The following DIMT1 variants were observed in gnomAD, a reference collection of about 807,000 sequenced individuals.
DIMT1 encodes the protein DIM1 rRNA methyltransferase and ribosome maturation factor.
DIMT1 carries 36 observed loss-of-function variants against 43.2 expected under a neutral mutation model. The ratio of observed to expected loss-of-function variants is 0.83; its 90% confidence interval spans 0.64 to 1.10. The LOEUF (loss-of-function observed/expected upper bound fraction) is 1.10, where lower values mean the gene tolerates loss of function less well. Ranked by LOEUF, DIMT1 falls within the 50% of genes least tolerant of loss-of-function variation. The pLI, the probability that DIMT1 is intolerant of heterozygous loss-of-function variation, is 0.00. For missense variants in DIMT1, 341 were observed against 385.3 expected, an observed-to-expected ratio of 0.88 and a Z score of 0.96; for synonymous variants, 126 against 130.3, an observed-to-expected ratio of 0.97 and a Z score of 0.22.
At chr5:62,394,669 C>T (rs1437371108) in intron 6 of DIMT1, 62 bp from the exon 7 acceptor site, 1 of 1,602,112 alleles carries the variant, frequency 6.2e-7, no homozygotes, top group Non-Finnish European at 8.5e-7. Context: ...TGAATTTTAA[C>T]TGCAATGAAT....
chr5:62,389,232 T>A (rs1742178544), intron 11 of DIMT1, among the ~76,000 whole-genome samples, 180 bp from the exon 12 acceptor site: 1 of 152,152 alleles, frequency 6.6e-6, no homozygotes, highest in Non-Finnish European at 1.5e-5. Context: ...ATGCCTGTAA[T>A]CCCAGCACTT....
intron 2 of DIMT1, 143 bp from the exon 3 acceptor site, chr5:62,402,265 G>T: frequency 1.3e-6 from 1 of 791,458 alleles, no homozygotes; most frequent in Non-Finnish European, 2.0e-6. Flanking sequence ...TGATCTACGT[G>T]GTTAACAAAA....
At chr5:62,401,981 A>G (rs26648) in intron 3 of DIMT1, 55 bp downstream of exon 3, 58,497 of 1,535,586 alleles carry the variant, frequency 0.038, 1,296 homozygotes, top group Non-Finnish European at 0.044. Context: ...TTGTAAACCA[A>G]CTGAGCTTGC....
intron 11 of DIMT1, among the ~76,000 whole-genome samples, chr5:62,390,050 GTCTTAGTTATA>G (rs1359002165): frequency 7.2e-5 from 11 of 152,260 alleles, no homozygotes; most frequent in African/African-American, 2.6e-4. Flanking sequence ...AACTCCATTT[GTCTTAGTTATA>G]TAGAACTGTG....
rs189747658 is a variant in DIMT1 at position 62,390,357 on chromosome 5, T to A, written c.899+519A>T. On this transcript the variant is annotated intron_variant, in intron 11 of 11. Transcript: ENST00000199320. ...TTATGACAGCTTTTTACTTGAGAAG[T>A]GTAGAACTTGCTTCAGGCTACAAAA... Among the ~76,000 whole-genome samples, 448 of 152,362 alleles carry A rather than the reference T, an allele frequency of 2.9e-3. 1 individual carries two copies. The highest frequency in any genetic ancestry group is 5.1e-3 in the Non-Finnish European group (349 of 68,038).
At chr5:62,403,600 G>T in intron 1 of DIMT1, 94 bp downstream of exon 1, 3 of 1,432,782 alleles carry the variant, frequency 2.1e-6, no homozygotes, top group Non-Finnish European at 2.9e-6. Flanking sequence ...GTCCTGACCG[G>T]CCTCTGCCGA....
intron 2 of DIMT1, among the ~76,000 whole-genome samples, chr5:62,402,647 C>A (rs1159368001): frequency 6.6e-6 from 1 of 152,136 alleles, no homozygotes; most frequent in African/African-American, 2.4e-5. Flanking sequence ...TAGTACATGA[C>A]CCTTCTTTCT....
chr5:62,388,725 T>C lies in DIMT1; in HGVS notation c.*285A>G, dbSNP rs1742153541. On this transcript the variant is annotated 3_prime_UTR_variant, in exon 12 of 12. Transcript: ENST00000199320. ...ATAGAAGAGTAACATCTTTATACAA[T>C]AAACTGTTAGAAATGATAAGTGTAA... The C allele has an allele frequency of 2.5e-6, 1 of 399,186 alleles. No homozygotes were observed. 24.7% of individuals were successfully genotyped at this position (399,186 alleles called of 1,614,324 possible). A position where few individuals can be genotyped will look rare whatever the true frequency, so the allele number is the denominator to read the frequency against.
At chr5:62,403,645 C>T (rs376966626) in intron 1 of DIMT1, 49 bp downstream of exon 1, 1 of 1,565,484 alleles carries the variant, frequency 6.4e-7, no homozygotes, top group East Asian at 2.4e-5. Context: ...CTAGGTCCTG[C>T]CGGAAGACCT....
intron 6 of DIMT1, among the ~76,000 whole-genome samples, chr5:62,396,510 A>C (rs561992675): frequency 8.3e-4 from 127 of 152,186 alleles, no homozygotes; most frequent in African/African-American, 2.9e-3. Flanking sequence ...TGTCTCATAA[A>C]ATAAAAAGAA....
chr5:62,389,485 C>CAAAAAAAAAAAAAAAAAAAAAA (rs775533413), intron 11 of DIMT1, among the ~76,000 whole-genome samples: 20 of 75,890 alleles, frequency 2.6e-4, no homozygotes, highest in African/African-American at 9.7e-4. Context: ...GACTCTGTCT[C>CAAAAAAAAAAAAAAAAAAAAAA]AAAAAAAAAA....
chr5:62,394,199 G>A, intron 7 of DIMT1, 152 bp from the exon 8 acceptor site: 1 of 874,126 alleles, frequency 1.1e-6, no homozygotes, highest in Non-Finnish European at 1.8e-6. Context: ...GGGTGCTTTG[G>A]CTCACACCTG....
At chr5:62,402,510 A>G (rs1742743252) in intron 2 of DIMT1, among the ~76,000 whole-genome samples, 1 of 152,244 alleles carries the variant, frequency 6.6e-6, no homozygotes, top group African/African-American at 2.4e-5. Flanking sequence ...CAACCCATGT[A>G]TGGTTTCAAG....
At chr5:62,394,756 C>G in intron 6 of DIMT1, 149 bp from the exon 7 acceptor site, 1 of 1,135,282 alleles carries the variant, frequency 8.8e-7, no homozygotes. Flanking sequence ...TTTTTTATTG[C>G]CACAGAATGA....
Position 62,394,643 on chromosome 5 carries a change from C to A in DIMT1, c.447-36G>T. 1.9e-6 allele frequency: 3 copies of A among 1,609,730 alleles called. No homozygotes were observed. The South Asian group carries it at 3.3e-5, about 18-fold the overall frequency. On this transcript the variant is annotated intron_variant, in intron 6 of 11. Coordinates refer to ENST00000199320, the MANE Select transcript of DIMT1 (RefSeq NM_014473.4). ...AGCAGAAAGGAATAAGGAAAATGGT[C>A]ATTGTCAACTATAAATGAATTTTAA...
chr5:62,390,895 C>G lies in DIMT1; in HGVS notation c.880G>C (p.Asp294His), dbSNP rs753351247. ...AATTACCTGATGAAGTCATCTATGT[C>G]CATGGAACGGGCCCGTTTGTCACTA... ...GFSDKRARSMDIDDFIRLLHG... is the reference protein window; with the variant it reads ...GFSDKRARSMHIDDFIRLLHG... The change falls in exon 11 of 12, where the codon GAC (aspartate) becomes CAC (histidine). Residue 294 changes from aspartate (D) to histidine (H), a missense_variant. Transcript: ENST00000199320. 1 of 1,611,966 alleles carries G rather than the reference C, an allele frequency of 6.2e-7. No homozygotes were observed. The highest frequency in any genetic ancestry group is 8.5e-7 in the Non-Finnish European group (1 of 1,179,802).
At position 62,402,062 on chromosome 5, in the gene DIMT1, C is replaced by T. The variant is rs1305486797; in HGVS notation, c.214G>A (p.Val72Ile). Residue 72 changes from valine to isoleucine, a missense_variant, in exon 3 of 12, where the codon GTA becomes ATA. Physicochemically the swap from Val to Ile is conservative, Grantham distance 29 (BLOSUM62 3). Coordinates refer to ENST00000199320, the MANE Select transcript of DIMT1 (RefSeq NM_014473.4). Reference sequence around the variant, plus strand: ...TTTTTTGCCTTTTCTAACAACTTTACAGTCATGTTGCCAGTTCCAGGTCCA... The same window carrying T: ...TTTTTTGCCTTTTCTAACAACTTTATAGTCATGTTGCCAGTTCCAGGTCCA... ...EVGPGTGNMTVKLLEKAKKVV... is the reference protein window; with the variant it reads ...EVGPGTGNMTIKLLEKAKKVV... 6.8e-6 allele frequency: 11 copies of T among 1,613,756 alleles called. No homozygotes were observed. Among genetic ancestry groups the T allele is most frequent in the Non-Finnish European group, 9.3e-6 (11 of 1,179,930 alleles).
chr5:62,397,835 A>G (rs894499647), intron 6 of DIMT1, among the ~76,000 whole-genome samples: 2 of 151,948 alleles, frequency 1.3e-5, no homozygotes, highest in African/African-American at 4.8e-5. Context: ...TTTTTAGTAG[A>G]TGTGGGGTTT....
At chr5:62,394,725 T>A in intron 6 of DIMT1, 118 bp from the exon 7 acceptor site, 1 of 1,365,166 alleles carries the variant, frequency 7.3e-7, no homozygotes, top group Non-Finnish European at 1.0e-6. Flanking sequence ...GATTATAAGG[T>A]AGGAGAACAC....
Sources: gnomAD v4.1 joint callset for allele counts (sites outside exome capture counted in the v4.1 genomes callset) on GRCh38, gnomAD v4.1.1 for gene constraint, MANE v1.5 for transcripts, NCBI Gene and HGNC (gene_info 2026-07-23, HGNC 2026-07-21) for gene names.